CEP152: variants seen among roughly 807,000 people sequenced by gnomAD.
CEP152 encodes centrosomal protein of 152 kDa.
Under a neutral mutation model 188.9 loss-of-function variants are expected in CEP152, and 132 were observed. The ratio of observed to expected loss-of-function variants is 0.70; its 90% CI spans 0.61 to 0.81. The LOEUF (loss-of-function observed/expected upper bound fraction) is 0.81, where lower values mean the gene tolerates loss of function less well. Ranked by LOEUF, CEP152 falls within the 30% of genes least tolerant of loss-of-function variation. The pLI, the probability that CEP152 is intolerant of heterozygous loss-of-function variation, is 0.00. For missense variants in CEP152, 1,914 were observed against 1,969.8 expected (o/e 0.97, Z 0.54); for synonymous variants, 649 against 666.6 (o/e 0.97, Z 0.41).
At chr15:48,799,484 A>T (rs11070650) in intron 2 of CEP152, among the ~76,000 whole-genome samples, 104,768 of 151,352 alleles carry the variant, frequency 0.69, 36,989 homozygotes, top group Middle Eastern at 0.79. Context: ...GGTTTTTTTT[A>T]AAGGGTTTCT....
chr15:48,742,777 G>C (rs1893084329), intron 24 of CEP152, among the ~76,000 whole-genome samples: 1 of 151,394 alleles, frequency 6.6e-6, no homozygotes, highest in African/African-American at 2.4e-5. Flanking sequence ...ATATATCTTT[G>C]ATTAGGACTA....
intron 18 of CEP152, among the ~76,000 whole-genome samples, chr15:48,760,615 G>A (rs887534909): frequency 6.6e-6 from 1 of 152,132 alleles, no homozygotes; most frequent in Non-Finnish European, 1.5e-5. Context: ...GGTGCCAACT[G>A]CTGTCTAATC....
chr15:48,807,303 G>A (rs1898041603), intron 1 of CEP152, among the ~76,000 whole-genome samples: 1 of 152,030 alleles, frequency 6.6e-6, no homozygotes, highest in African/African-American at 2.4e-5. Context: ...GAAATGGTGA[G>A]GGAAAAACAC....
intron 2 of CEP152, among the ~76,000 whole-genome samples, chr15:48,804,092 G>A (rs1897833230): frequency 6.6e-6 from 1 of 152,234 alleles, no homozygotes. Flanking sequence ...GAGTGCATAA[G>A]CCCATGTCTG....
chr15:48,756,247 A>G lies in CEP152; in HGVS notation c.3001T>C (p.Phe1001Leu), dbSNP rs1894251658. 1 of 1,605,754 alleles carries G rather than the reference A, an allele frequency of 6.2e-7. No individual in the cohort carries two copies. Among genetic ancestry groups the G allele is most frequent in the Admixed American group, 1.7e-5 (1 of 59,172 alleles). Residue 1001 changes from phenylalanine (F) to leucine (L), a missense_variant, in exon 20 of 27, where the codon TTT becomes CTT. Coordinates refer to ENST00000380950, the MANE Select transcript of CEP152 (RefSeq NM_001194998.2). ...NEVLAAAKED[F>L]MKQKTELLLQ... is the part of the protein sequence containing the mutation. Reference sequence around the variant, plus strand: ...AGTAGTTCAGTTTTTTGTTTCATAAAGTCTTCTTTAGCTGCCGCAAGCACC... The same window carrying G: ...AGTAGTTCAGTTTTTTGTTTCATAAGGTCTTCTTTAGCTGCCGCAAGCACC...
At chr15:48,739,411 C>G in intron 26 of CEP152, 123 bp from the exon 27 acceptor site, 2 of 1,352,248 alleles carry the variant, frequency 1.5e-6, no homozygotes, top group Non-Finnish European at 1.9e-6. Context: ...ATACTGTATT[C>G]CCAAAGAATG....
intron 1 of CEP152, among the ~76,000 whole-genome samples, chr15:48,808,904 AG>A (rs1487160338): frequency 1.3e-5 from 2 of 152,178 alleles, no homozygotes; most frequent in Non-Finnish European, 2.9e-5. Flanking sequence ...TTAAGTATAC[AG>A]TATGTTTTGG....
chr15:48,807,096 A>G (rs1198012053), intron 1 of CEP152, among the ~76,000 whole-genome samples: 1 of 152,158 alleles, frequency 6.6e-6, no homozygotes, highest in Non-Finnish European at 1.5e-5. Flanking sequence ...CTTTAAACTC[A>G]TATCAACTCA....
intron 1 of CEP152, among the ~76,000 whole-genome samples, chr15:48,808,549 C>T (rs981866336): frequency 2.0e-5 from 3 of 151,718 alleles, no homozygotes; most frequent in African/African-American, 7.3e-5. Context: ...AAGTGTAAAT[C>T]AATTAGTTTG....
Position 48,767,469 on chromosome 15 carries a change from A to G in CEP152, c.2019-6T>C. 9 of 1,614,102 alleles carry G rather than the reference A, an allele frequency of 5.6e-6. No individual in the cohort carries two copies. The highest frequency in any genetic ancestry group is 7.6e-6 in the Non-Finnish European group (9 of 1,179,986). ...GCTGATAAGTCCTTTCACACCTGGA[A>G]ACAGAGCGGAATCAAAGGCAATGCC... On this transcript the variant is annotated splice_region_variant and splice_polypyrimidine_tract_variant and intron_variant, in intron 15 of 26. Transcript: ENST00000380950.
Position 48,784,109 on chromosome 15 carries a change from G to A in CEP152, c.1185C>T (p.Cys395=), listed in dbSNP as rs377258492. The part of the protein sequence containing the change: ...VTALKEQEDI[C]SRLKDHVKQL... ...GTTTCACGTGATCTTTCAGACGAGA[G>A]CAAATGTCTTCCTAAATAGAAAAAA... The change falls in exon 10 of 27, where the codon TGC becomes TGT. Residue 395 remains cysteine, a synonymous_variant. Coordinates refer to ENST00000380950, the MANE Select transcript of CEP152 (RefSeq NM_001194998.2). 40 of 1,613,032 alleles carry A rather than the reference G, an allele frequency of 2.5e-5. No homozygotes were observed. The highest frequency in any genetic ancestry group is 8.5e-6 in the Non-Finnish European group (10 of 1,179,500).
rs557264114 is a variant in CEP152, at chr15:48,784,195, A to G, written c.1174-75T>C. ...AAGAGTAAACTAAAAATTATGATAC[A>G]TAATTAGATTTGATGTCAAACACAA... On this transcript the variant is annotated intron_variant, in intron 9 of 26. Coordinates refer to ENST00000380950, the MANE Select transcript of CEP152 (RefSeq NM_001194998.2). 85 of 1,403,502 alleles carry G rather than the reference A, an allele frequency of 6.1e-5. No individual in the cohort carries two copies. In the African/African-American group the frequency reaches 1.2e-3, roughly 19 times the overall value. 86.9% of individuals were successfully genotyped at this position (1,403,502 alleles called of 1,614,324 possible).
chr15:48,769,070 A>T lies in CEP152; in HGVS notation c.1794T>A (p.Asp598Glu). ...ATTGATTCTTTGGTTTTTCTGAGGT[A>T]TCTGTTTTAGTCTGAATATTAAAAG... Reference protein sequence around the residue: ...EKSIEVETKTDTSEKPKNQLW... With the variant: ...EKSIEVETKTETSEKPKNQLW... The change falls in exon 14 of 27, where the codon GAT becomes GAA. Residue 598 changes from aspartate (D) to glutamate (E), a missense_variant. Physicochemically the swap from Asp to Glu is conservative, Grantham distance 45. Coordinates refer to ENST00000380950, the MANE Select transcript of CEP152 (RefSeq NM_001194998.2). The T allele has an allele frequency of 6.2e-7, 1 of 1,607,096 alleles. No homozygotes were observed. Among genetic ancestry groups the T allele is most frequent in the Non-Finnish European group, 8.5e-7 (1 of 1,174,456 alleles).
intron 1 of CEP152, among the ~76,000 whole-genome samples, chr15:48,807,552 A>G (rs970935470): frequency 1.3e-4 from 17 of 130,812 alleles, no homozygotes; most frequent in South Asian, 2.7e-4. Context: ...ACAGAGCGAG[A>G]CTCCGTCTCA....
At chr15:48,801,493 A>G (rs545527322) in intron 2 of CEP152, among the ~76,000 whole-genome samples, 1 of 152,326 alleles carries the variant, frequency 6.6e-6, no homozygotes, top group Non-Finnish European at 1.5e-5. Flanking sequence ...ACTCAAGATC[A>G]TTTTCAAATA....
intron 22 of CEP152, 82 bp downstream of exon 22, chr15:48,748,361 A>C (rs1024342833): frequency 3.5e-6 from 5 of 1,424,712 alleles, no homozygotes; most frequent in African/African-American, 1.4e-5. Context: ...CAGTGCACAC[A>C]TTAACTAAAA....
chr15:48,771,378 G>A (rs1480957442), intron 13 of CEP152, among the ~76,000 whole-genome samples: 1 of 152,104 alleles, frequency 6.6e-6, no homozygotes. Flanking sequence ...ATAGTACCAC[G>A]ACCACTATAT....
At chr15:48,773,590 G>A (rs1595654183) in intron 12 of CEP152, 3 of 152,146 alleles carry the variant, frequency 2.0e-5, no homozygotes, top group Non-Finnish European at 4.4e-5. Context: ...TGTATGAGTG[G>A]CTAGGGAAAA....
chr15:48,791,198 CTT>C (rs1249463922), intron 8 of CEP152, 37 bp downstream of exon 8: 6 of 1,577,136 alleles, frequency 3.8e-6, no homozygotes, highest in Non-Finnish European at 4.3e-6. Flanking sequence ...AATAACTAAA[CTT>C]TTAATTTTTT....
Sources: gnomAD v4.1 joint callset for allele counts (sites outside exome capture counted in the v4.1 genomes callset) on GRCh38, gnomAD v4.1.1 for gene constraint, MANE v1.5 for transcripts, NCBI Gene and HGNC (gene_info 2026-07-23, HGNC 2026-07-21) for gene names.